CBFA2T3: variants seen among roughly 807,000 people sequenced by gnomAD.
CBFA2T3 encodes CBFA2/RUNX1 partner transcriptional co-repressor 3.
In CBFA2T3, 31 loss-of-function variants were observed where a neutral mutation model predicts 58.6. The observed-to-expected ratio is 0.53, with a 90% CI of 0.40 to 0.71. The LOEUF is 0.71. Among genes scored for constraint, CBFA2T3 ranks in the 30% least tolerant of loss-of-function variants. CBFA2T3 has a pLI of 0.00. For synonymous variants in CBFA2T3, 531 were observed against 421.9 expected, an observed-to-expected ratio of 1.26 and a Z score of -3.17; for missense variants, 1,076 against 963.1, an observed-to-expected ratio of 1.12 and a Z score of -1.55.
At chr16:88,937,381 G>C (rs1363351963) in intron 1 of CBFA2T3, 1 of 152,876 alleles carries the variant, frequency 6.5e-6, no homozygotes, top group Admixed American at 6.5e-5. Flanking sequence ...CACCTCCCTA[G>C]CCAGTACCCC....
Position 88,876,128 on chromosome 16 carries a change from TTTTGATTTC to T in CBFA2T3, c.*839_*847del. 1 of 232,676 alleles carries T rather than the reference TTTTGATTTC, an allele frequency of 4.3e-6. No homozygotes were observed. The highest frequency in any genetic ancestry group is 8.5e-6 in the Non-Finnish European group (1 of 117,428). 14.4% of individuals were successfully genotyped at this position (232,676 alleles called of 1,614,324 possible). ...TTGGCAGTGACAAACAAATTTTGGA[TTTTGATTTC>T]TTGTGTTTGCTTTTTTGGATTTCCT... On this transcript the variant is annotated 3_prime_UTR_variant, in exon 12 of 12. Transcript: ENST00000268679.
At chr16:88,892,042 TGAG>T in intron 4 of CBFA2T3, 71 bp from the exon 5 acceptor site, 5 of 1,428,076 alleles carry the variant, frequency 3.5e-6, no homozygotes, top group Non-Finnish European at 4.9e-6. Context: ...CACCCATGCC[TGAG>T]GAGGAGGCTT....
intron 1 of CBFA2T3, among the ~76,000 whole-genome samples, chr16:88,911,322 GC>G (rs1970523642): frequency 6.6e-6 from 1 of 152,264 alleles, no homozygotes; most frequent in Non-Finnish European, 1.5e-5. Flanking sequence ...CGCCTCCCGC[GC>G]CGCTGTGTGA....
chr16:88,915,777 G>C lies in CBFA2T3; in HGVS notation c.152-14121C>G, dbSNP rs535674841. 6.6e-5 allele frequency among the ~76,000 whole-genome samples: 10 copies of C among 150,788 alleles called. No individual in the cohort carries two copies. In the South Asian group the frequency reaches 1.5e-3, roughly 22 times the overall value. On this transcript the variant is annotated intron_variant, in intron 1 of 11. Coordinates refer to ENST00000268679, the MANE Select transcript of CBFA2T3 (RefSeq NM_005187.6). ...GTGTTAAGGGGGAAGTGCAGAGAACGAGCAGACACGTGGGCTAGACACAGG... is the reference window on the plus strand; with the variant it reads ...GTGTTAAGGGGGAAGTGCAGAGAACCAGCAGACACGTGGGCTAGACACAGG...
rs539259155 is a variant in CBFA2T3, at chr16:88,929,774, C to T, written c.152-28118G>A. ...CCAATACCCACAGCTGCATGGTCCA[C>T]GCAAAAGCTACCAATACCCACAGCT... On this transcript the variant is annotated intron_variant, in intron 1 of 11. Transcript: ENST00000268679. Among the ~76,000 whole-genome samples, 27 of 151,778 alleles carry T rather than the reference C, an allele frequency of 1.8e-4. No homozygotes were observed. In the South Asian group the frequency reaches 4.8e-3, roughly 27 times the overall value.
intron 1 of CBFA2T3, among the ~76,000 whole-genome samples, chr16:88,908,736 T>C (rs533201922): frequency 6.6e-6 from 1 of 152,348 alleles, no homozygotes; most frequent in South Asian, 2.1e-4. Context: ...AAGCCCTGCT[T>C]CCGCTGTAAC....
intron 1 of CBFA2T3, among the ~76,000 whole-genome samples, chr16:88,964,561 T>A (rs1235394707): frequency 6.6e-6 from 1 of 152,202 alleles, no homozygotes; most frequent in East Asian, 1.9e-4. Flanking sequence ...ATGTCCCTCG[T>A]CCCCTCTGAA....
intron 1 of CBFA2T3, among the ~76,000 whole-genome samples, chr16:88,956,585 G>C (rs1972225711): frequency 6.6e-6 from 1 of 152,240 alleles, no homozygotes; most frequent in Non-Finnish European, 1.5e-5. Context: ...CATTTGTCTA[G>C]AGTCACACAA....
At position 88,958,468 on chromosome 16, in the gene CBFA2T3, G is replaced by A. The variant is rs1267729012; in HGVS notation, c.151+18189C>T. On this transcript the variant is annotated intron_variant, in intron 1 of 11. Transcript: ENST00000268679. The surrounding 1 kb of genome is among the most constrained non-coding windows in gnomAD (Gnocchi z 4.0). Reference sequence around the variant, plus strand: ...GCGGGGGAAGAAGGTTCTGGGGCGGGGCGTTAGAGTGACACCAGGTCCCGG... The same window carrying A: ...GCGGGGGAAGAAGGTTCTGGGGCGGAGCGTTAGAGTGACACCAGGTCCCGG... Among the ~76,000 whole-genome samples, 2 of 152,124 alleles carry A rather than the reference G, an allele frequency of 1.3e-5. No individual in the cohort carries two copies. The highest frequency in any genetic ancestry group is 2.9e-5 in the Non-Finnish European group (2 of 68,014).
At chr16:88,943,444 G>C (rs115333057) in intron 1 of CBFA2T3, among the ~76,000 whole-genome samples, 2,863 of 152,342 alleles carry the variant, frequency 0.019, 98 homozygotes, top group African/African-American at 0.063. Context: ...TACCACTGCA[G>C]CCATCAGACA....
At position 88,885,964 on chromosome 16, in the gene CBFA2T3, T is replaced by C. The variant is rs1360263823; in HGVS notation, c.890A>G (p.Asp297Gly). The change falls in exon 6 of 12, where the codon GAC (aspartate) becomes GGC (glycine). Residue 297 changes from aspartate (D) to glycine (G), a missense_variant. By Grantham distance (94) the Asp-to-Gly change is moderately conservative. Transcript: ENST00000268679. This position sits in a 1 kb window ranked among gnomAD's most constrained non-coding sequence, Gnocchi z 5.3. The part of the protein sequence containing the change: ...VNENGKRRTP[D>G]RTKENGSDRD... ...GATCCCCGGAGCCCACAGGTACCTG[T>C]CGGGCGTCCTCCTCTTGCCGTTCTC... 1.2e-5 allele frequency: 18 copies of C among 1,548,426 alleles called. No homozygotes were observed. The highest frequency in any genetic ancestry group is 1.6e-5 in the Non-Finnish European group (18 of 1,146,988).
chr16:88,892,038 T>C (rs1339139247), intron 4 of CBFA2T3, 67 bp from the exon 5 acceptor site: 66 of 1,446,190 alleles, frequency 4.6e-5, no homozygotes, highest in Non-Finnish European at 4.4e-5. Flanking sequence ...GACCCACCCA[T>C]GCCTGAGGAG....
At chr16:88,914,026 G>A (rs113135562) in intron 1 of CBFA2T3, among the ~76,000 whole-genome samples, 6,290 of 152,224 alleles carry the variant, frequency 0.041, 398 homozygotes, top group African/African-American at 0.13. Flanking sequence ...AGCGTGCACC[G>A]AGGTAGAGGG....
intron 5 of CBFA2T3, among the ~76,000 whole-genome samples, chr16:88,890,659 G>A (rs1020352438): frequency 1.3e-5 from 2 of 152,346 alleles, no homozygotes; most frequent in African/African-American, 2.4e-5. Context: ...TGCCCGTCCC[G>A]TCTGTGTGTG....
In CBFA2T3 at chr16:88,881,408, C is replaced by G. The variant is rs747418254; in HGVS notation, c.1285G>C (p.Glu429Gln). Reference sequence around the variant, plus strand: ...CGCCGCGCCCAGTGGTTGAGCTCCTCGCGGTCGGCCTCCTGGCACCTGCGC... The same window carrying G: ...CGCCGCGCCCAGTGGTTGAGCTCCTGGCGGTCGGCCTCCTGGCACCTGCGC... ...VLRRCQEADR[E>Q]ELNHWARRYS... The change falls in exon 9 of 12, where the codon GAG becomes CAG. Residue 429 changes from glutamate to glutamine, a missense_variant. Glu to Gln is a conservative substitution (Grantham distance 29). Coordinates refer to ENST00000268679, the MANE Select transcript of CBFA2T3 (RefSeq NM_005187.6). 5 of 1,606,720 alleles carry G rather than the reference C, an allele frequency of 3.1e-6. No homozygotes were observed. The highest frequency in any genetic ancestry group is 3.4e-6 in the Non-Finnish European group (4 of 1,177,742).
intron 1 of CBFA2T3, chr16:88,950,230 G>T: frequency 2.3e-6 from 1 of 438,848 alleles, no homozygotes. Context: ...GCCACAGAGG[G>T]TCAGAGTGTT....
In CBFA2T3 at chr16:88,885,822, C is replaced by T. The variant is rs1297482940; in HGVS notation, c.893+139G>A. ...CAAGCCTGCTGGCCCTAGTACACCT[C>T]GCCACGCTCCCTCAGCCCGAGAGAG... On this transcript the variant is annotated intron_variant, in intron 6 of 11. Transcript: ENST00000268679. The surrounding 1 kb of genome is among the most constrained non-coding windows in gnomAD (Gnocchi z 5.3). The T allele has an allele frequency of 4.1e-6, 3 of 732,482 alleles. No homozygotes were observed. Among genetic ancestry groups the T allele is most frequent in the Non-Finnish European group, 6.7e-6 (3 of 449,920 alleles). 45.4% of individuals were successfully genotyped at this position (732,482 alleles called of 1,614,324 possible). A position where few individuals can be genotyped will look rare whatever the true frequency, so the allele number is the denominator to read the frequency against.
At chr16:88,918,553 G>A (rs866514688) in intron 1 of CBFA2T3, among the ~76,000 whole-genome samples, 4 of 152,374 alleles carry the variant, frequency 2.6e-5, no homozygotes, top group Middle Eastern at 3.4e-3. Flanking sequence ...CCAAGCGTGC[G>A]GCCCACCAAC....
At chr16:88,895,637 C>T (rs1446366449) in intron 3 of CBFA2T3, among the ~76,000 whole-genome samples, 1 of 152,230 alleles carries the variant, frequency 6.6e-6, no homozygotes, top group East Asian at 1.9e-4. Flanking sequence ...GGTGTGCCCA[C>T]GACTGCCTCC....
Sources: allele counts gnomAD v4.1 joint callset (sites outside exome capture counted in the v4.1 genomes callset), GRCh38; gene constraint gnomAD v4.1.1; non-coding constraint Gnocchi (gnomAD v3.1); transcripts MANE v1.5; gene names NCBI Gene and HGNC (gene_info 2026-07-23, HGNC 2026-07-21).